The following PLPPR1 variants were observed in gnomAD, a reference collection of about 807,000 sequenced individuals.
PLPPR1 encodes phospholipid phosphatase-related protein type 1.
A neutral mutation model predicts 33.1 loss-of-function variants in PLPPR1; 10 were observed. That is an observed-to-expected ratio of 0.30 (90% CI 0.19 to 0.51). PLPPR1 has a LOEUF of 0.51. PLPPR1 is among the 20% of genes least tolerant of loss of function. The pLI is 0.97. For synonymous variants in PLPPR1, 151 were observed against 151.0 expected (o/e 1.00, Z 0.00); for missense variants, 304 against 408.1 (o/e 0.74, Z 2.20).
At chr9:101,113,498 T>C (rs1831082074) in intron 1 of PLPPR1, among the ~76,000 whole-genome samples, 1 of 152,136 alleles carries the variant, frequency 6.6e-6, no homozygotes, top group Non-Finnish European at 1.5e-5. Flanking sequence ...CCCAAGATCT[T>C]TGCAAACCAA....
At chr9:101,049,029 G>A (rs1830187710) in intron 1 of PLPPR1, among the ~76,000 whole-genome samples, 1 of 152,174 alleles carries the variant, frequency 6.6e-6, no homozygotes, top group Non-Finnish European at 1.5e-5. Flanking sequence ...AAAAGCTCTA[G>A]ATATCATTTT....
chr9:101,099,377 G>C (rs1441248934), intron 1 of PLPPR1, among the ~76,000 whole-genome samples: 1 of 152,044 alleles, frequency 6.6e-6, no homozygotes, highest in East Asian at 1.9e-4. Flanking sequence ...CTAGGAAGAA[G>C]GATTTGTTTT....
At chr9:101,267,926 A>T (rs1046071919) in intron 2 of PLPPR1, among the ~76,000 whole-genome samples, 1 of 152,160 alleles carries the variant, frequency 6.6e-6, no homozygotes, top group Non-Finnish European at 1.5e-5. Flanking sequence ...ATGCAGCCAT[A>T]AAAAATGATG....
chr9:101,220,889 G>A (rs1826919193), intron 2 of PLPPR1, among the ~76,000 whole-genome samples: 1 of 152,180 alleles, frequency 6.6e-6, no homozygotes, highest in Non-Finnish European at 1.5e-5. Context: ...AAACGATATA[G>A]CCAAAAGTAA....
chr9:101,045,542 A>T (rs1381914454), intron 1 of PLPPR1, among the ~76,000 whole-genome samples: 1 of 152,224 alleles, frequency 6.6e-6, no homozygotes, highest in Admixed American at 6.5e-5. Flanking sequence ...CCAACAATGC[A>T]CTGGATTAGA....
At chr9:101,069,862 C>T (rs1588015464) in intron 1 of PLPPR1, among the ~76,000 whole-genome samples, 4 of 152,028 alleles carry the variant, frequency 2.6e-5, no homozygotes, top group East Asian at 3.9e-4. Context: ...CTCAGCTAAC[C>T]CCTAAGGGAT....
intron 1 of PLPPR1, among the ~76,000 whole-genome samples, chr9:101,154,855 G>T (rs1034804571): frequency 6.6e-6 from 1 of 150,962 alleles, no homozygotes; most frequent in Non-Finnish European, 1.5e-5. Context: ...GCAAACTATC[G>T]CAAGGACAAA....
At chr9:101,112,055 A>G (rs553602974) in intron 1 of PLPPR1, among the ~76,000 whole-genome samples, 51 of 152,282 alleles carry the variant, frequency 3.3e-4, no homozygotes, top group African/African-American at 1.2e-3. Context: ...GTCCCCATAT[A>G]CACACTTTAT....
At chr9:101,108,423 A>C (rs1276471022) in intron 1 of PLPPR1, among the ~76,000 whole-genome samples, 1 of 152,236 alleles carries the variant, frequency 6.6e-6, no homozygotes, top group Non-Finnish European at 1.5e-5. Flanking sequence ...ATGAAATAAA[A>C]ACATGCATAG....
At chr9:101,312,193 T>G (rs13440036) in intron 5 of PLPPR1, among the ~76,000 whole-genome samples, 18,779 of 152,218 alleles carry the variant, frequency 0.12, 1,347 homozygotes, top group South Asian at 0.18. Context: ...GAGGAATGTA[T>G]GAGTCAATTT....
At chr9:101,146,102 C>G (rs1463949365) in intron 1 of PLPPR1, among the ~76,000 whole-genome samples, 1 of 152,162 alleles carries the variant, frequency 6.6e-6, no homozygotes, top group East Asian at 1.9e-4. Context: ...CTACTTCCCT[C>G]TGTCTCCCAT....
chr9:101,096,136 G>C (rs1220813249), intron 1 of PLPPR1, among the ~76,000 whole-genome samples: 1 of 152,158 alleles, frequency 6.6e-6, no homozygotes, highest in Admixed American at 6.5e-5. Context: ...AAACAGTGGT[G>C]TGCTTGGGCT....
chr9:101,300,739 A>AT (rs1388310073), intron 4 of PLPPR1, among the ~76,000 whole-genome samples: 2 of 152,068 alleles, frequency 1.3e-5, no homozygotes, highest in Non-Finnish European at 2.9e-5. Context: ...TGGTAGCTAC[A>AT]TTTTTTTCTC....
chr9:101,112,865 C>T (rs1326536200), intron 1 of PLPPR1, among the ~76,000 whole-genome samples: 3 of 152,200 alleles, frequency 2.0e-5, no homozygotes. Context: ...TCAAAATAAA[C>T]CCAGCAGAAA....
intron 1 of PLPPR1, among the ~76,000 whole-genome samples, chr9:101,039,763 C>T (rs117148744): frequency 6.6e-6 from 1 of 152,092 alleles, no homozygotes; most frequent in Non-Finnish European, 1.5e-5. Flanking sequence ...ACCATCAGAT[C>T]TCGTGAGACT....
chr9:101,111,601 G>A (rs1311969515), intron 1 of PLPPR1, among the ~76,000 whole-genome samples: 1 of 152,160 alleles, frequency 6.6e-6, no homozygotes, highest in African/African-American at 2.4e-5. Flanking sequence ...TATTCTGTTA[G>A]TGCTAGTCTG....
rs138804649 is a variant in PLPPR1, at chr9:101,204,699, G to C, written c.63+19142G>C. Among the ~76,000 whole-genome samples the C allele has an allele frequency of 7.0e-3, 1,070 of 152,220 alleles. 15 individuals are homozygous for C. Among genetic ancestry groups the C allele is most frequent in the African/African-American group, 0.024 (1,001 of 41,534 alleles). ...TTCTAAGCTTCTCTAGTATCTCTAA[G>C]GTGTTGGTATTTTCTTACTGGGCTA... is the stretch of plus-strand genomic sequence containing the variant. On this transcript the variant is annotated intron_variant, in intron 2 of 7. Coordinates refer to ENST00000374874, the MANE Select transcript of PLPPR1 (RefSeq NM_207299.2).
rs112223766 is a variant in PLPPR1, at chr9:101,041,940, A to G, written c.-46+12838A>G. ...TTCTTGGAAAGTTTAACCATGTTAA[A>G]AGAGAATATGATGGCCTAGACTCTT... On this transcript the variant is annotated intron_variant, in intron 1 of 7. Transcript: ENST00000374874. Among the ~76,000 whole-genome samples the G allele has an allele frequency of 1.2e-3, 180 of 152,338 alleles. 1 individual carries two copies. Among genetic ancestry groups the G allele is most frequent in the African/African-American group, 4.1e-3 (171 of 41,572 alleles).
Position 101,269,895 on chromosome 9 carries a change from G to A in PLPPR1, c.79G>A (p.Gly27Arg). 1 of 1,614,072 alleles carries A rather than the reference G, an allele frequency of 6.2e-7. No homozygotes were observed. The highest frequency in any genetic ancestry group is 8.5e-7 in the Non-Finnish European group (1 of 1,180,014). Reference sequence around the variant, plus strand: ...GTATTTTCAGCTTGTCATCATGGCTGGGACAGTGCTGCTTGCCTACTACTT... The same window carrying A: ...GTATTTTCAGCTTGTCATCATGGCTAGGACAGTGCTGCTTGCCTACTACTT... ...FIFVELVIMA[G>R]TVLLAYYFEC... is the part of the protein sequence containing the mutation. Residue 27 changes from glycine to arginine, a missense_variant, in exon 3 of 8, where the codon GGG (glycine) becomes AGG (arginine). Physicochemically the swap from Gly to Arg is moderately radical, Grantham distance 125. Transcript: ENST00000374874.
Sources: gnomAD v4.1 joint callset for allele counts (sites outside exome capture counted in the v4.1 genomes callset) on GRCh38, gnomAD v4.1.1 for gene constraint, MANE v1.5 for transcripts, NCBI Gene and HGNC (gene_info 2026-07-23, HGNC 2026-07-21) for gene names.